Variants in SLF2 observed in about 807,000 individuals in gnomAD.
SLF2 encodes the protein SMC5/6 complex localization factor 2, also known as SMC5-SMC6 complex localization factor protein 2.
Under a neutral mutation model 124.3 loss-of-function variants are expected in SLF2, and 68 were observed. The observed-to-expected ratio is 0.55, with a 90% CI of 0.45 to 0.67. The LOEUF (loss-of-function observed/expected upper bound fraction) is 0.67. Among genes scored for constraint, SLF2 ranks in the 30% least tolerant of loss-of-function variants. SLF2 has a pLI of 0.00. For synonymous variants in SLF2, 480 were observed against 478.8 expected (o/e 1.00, Z -0.03); for missense variants, 1,246 against 1,373.7 (o/e 0.91, Z 1.47).
At position 100,957,330 on chromosome 10, in the gene SLF2, A is replaced by ATTTTTTTT. The variant is rs71013477; in HGVS notation, c.3417+823_3417+830dup. Among the ~76,000 whole-genome samples the ATTTTTTTT allele has an allele frequency of 5.3e-4, 49 of 91,836 alleles. 6 individuals carry two copies. The highest frequency in any genetic ancestry group is 7.4e-4 in the Non-Finnish European group (38 of 51,698). The allele number at this position is 91,836 out of a possible 152,430, so 60.2% of individuals were successfully genotyped here. On this transcript the variant is annotated intron_variant, in intron 18 of 19. Coordinates refer to ENST00000238961, the MANE Select transcript of SLF2 (RefSeq NM_018121.4). ...AATATGTTAAAGGAAGGAGTCTTCA[A>ATTTTTTTT]TTTTTTTTTTTTTTTTTTTTTTTTT...
In SLF2 at chr10:100,929,368, C is replaced by T; in HGVS notation, c.2094C>T (p.Gly698=). ...QLQEDIRQGR[G]IKSPIRIGEE... ...AAGAAGACATAAGGCAAGGCCGAGG[C>T]ATTAAATCCCCAATCAGAATTGGAG... Residue 698 remains glycine, a synonymous_variant, in exon 7 of 20, where the codon GGC becomes GGT. Transcript: ENST00000238961. The T allele has an allele frequency of 6.2e-7, 1 of 1,613,144 alleles. No individual in the cohort carries two copies. The highest frequency in any genetic ancestry group is 8.5e-7 in the Non-Finnish European group (1 of 1,179,318).
chr10:100,958,406 A>G (rs1223011666), intron 18 of SLF2, among the ~76,000 whole-genome samples: 8 of 152,256 alleles, frequency 5.3e-5, no homozygotes, highest in Non-Finnish European at 1.0e-4. Context: ...TAGTTTCAGA[A>G]GCACATTCTT....
At position 100,917,111 on chromosome 10, in the gene SLF2, T is replaced by C; in HGVS notation, c.726T>C (p.Ser242=). ...LGAKFQLSLA[S]YCRERELKRL... ...CTAAATTCCAGTTGTCACTAGCTTC[T>C]TACTGCAGAGAACGAGAACTAAAGA... is the stretch of plus-strand genomic sequence containing the variant. The change falls in exon 3 of 20, where the codon TCT becomes TCC. Residue 242 remains serine (S), a synonymous_variant. Coordinates refer to ENST00000238961, the MANE Select transcript of SLF2 (RefSeq NM_018121.4). The C allele has an allele frequency of 6.2e-7, 1 of 1,614,140 alleles. No individual in the cohort carries two copies. Among genetic ancestry groups the C allele is most frequent in the Non-Finnish European group, 8.5e-7 (1 of 1,180,032 alleles).
intron 4 of SLF2, among the ~76,000 whole-genome samples, chr10:100,921,083 A>G (rs911382082): frequency 2.6e-5 from 4 of 152,266 alleles, no homozygotes; most frequent in Admixed American, 6.5e-5. Flanking sequence ...GGATTTCAGA[A>G]GTAATGTTAG....
At position 100,929,361 on chromosome 10, in the gene SLF2, G is replaced by T; in HGVS notation, c.2087G>T (p.Gly696Val). The change falls in exon 7 of 20, where the codon GGC becomes GTC. Residue 696 changes from glycine to valine, a missense_variant. Physicochemically the swap from Gly to Val is moderately radical, Grantham distance 109. This residue lies in a region of SLF2 where 535 missense variants were observed against 632.8 expected (regional missense o/e 0.85). Transcript: ENST00000238961. ...CAACTACAAGAAGACATAAGGCAAG[G>T]CCGAGGCATTAAATCCCCAATCAGA... is the stretch of plus-strand genomic sequence containing the variant. Reference protein sequence around the residue: ...QKQLQEDIRQGRGIKSPIRIG... With the variant: ...QKQLQEDIRQVRGIKSPIRIG... 6.2e-7 allele frequency: 1 copy of T among 1,613,234 alleles called. No homozygotes were observed. Among genetic ancestry groups the T allele is most frequent in the Non-Finnish European group, 8.5e-7 (1 of 1,179,396 alleles).
At chr10:100,920,146 A>G (rs1448883990) in intron 4 of SLF2, among the ~76,000 whole-genome samples, 1 of 152,266 alleles carries the variant, frequency 6.6e-6, no homozygotes, top group Non-Finnish European at 1.5e-5. Flanking sequence ...TTTCTCAGCC[A>G]GGAGATTGCT....
chr10:100,961,441 T>G (rs937938579), intron 19 of SLF2, among the ~76,000 whole-genome samples: 1 of 152,230 alleles, frequency 6.6e-6, no homozygotes, highest in Non-Finnish European at 1.5e-5. Context: ...GAATGTTAAG[T>G]AGATAAAGCA....
intron 4 of SLF2, among the ~76,000 whole-genome samples, chr10:100,920,036 C>T (rs926695359): frequency 1.3e-5 from 2 of 152,168 alleles, no homozygotes; most frequent in African/African-American, 4.8e-5. Flanking sequence ...AGGAATAAAT[C>T]TAAAGTTTTG....
At chr10:100,931,660 C>T (rs1849738385) in intron 9 of SLF2, among the ~76,000 whole-genome samples, 2 of 152,088 alleles carry the variant, frequency 1.3e-5, no homozygotes, top group African/African-American at 2.4e-5. Context: ...CTAGATACTT[C>T]GGACCTTCAT....
rs537223341 is a variant in SLF2 at position 100,940,820 on chromosome 10, C to CTCCT, written c.2654+2112_2654+2115dup. 4.5e-3 allele frequency among the ~76,000 whole-genome samples: 453 copies of CTCCT among 101,130 alleles called. 1 individual carries two copies. Among genetic ancestry groups the CTCCT allele is most frequent in the East Asian group, 0.011 (39 of 3,418 alleles). The allele number at this position is 101,130 out of a possible 152,430, so 66.3% of individuals were successfully genotyped here. ...GCCCCTCCCCCTGCCCCTGCCCCTT[C>CTCCT]TCCTTCCTTCCTTCCTTCCTTCCTT... On this transcript the variant is annotated intron_variant, in intron 11 of 19. Coordinates refer to ENST00000238961, the MANE Select transcript of SLF2 (RefSeq NM_018121.4).
intron 4 of SLF2, among the ~76,000 whole-genome samples, chr10:100,922,866 C>T (rs113367292): frequency 0.048 from 7,312 of 151,638 alleles, 253 homozygotes; most frequent in Middle Eastern, 0.13. Context: ...ACCACCACCT[C>T]CCAGGTTCAA....
At position 100,918,591 on chromosome 10, in the gene SLF2, A is replaced by G. The variant is rs143955433; in HGVS notation, c.973+150A>G. On this transcript the variant is annotated intron_variant, in intron 4 of 19. Transcript: ENST00000238961. The stretch of plus-strand genomic sequence containing the variant: ...ATTAAGAGTTTGGTAAGATCATATT[A>G]AAAAAGACTAGTCCCTGAATCTAGT... The G allele has an allele frequency of 1.2e-3, 693 of 564,778 alleles. 7 individuals carry two copies. The highest frequency in any genetic ancestry group is 0.012 in the African/African-American group (596 of 51,430). 35.0% of individuals were successfully genotyped at this position (564,778 alleles called of 1,614,324 possible). A position where few individuals can be genotyped will look rare whatever the true frequency, so the allele number is the denominator to read the frequency against.
At chr10:100,954,503 T>A (rs1036488705) in intron 17 of SLF2, among the ~76,000 whole-genome samples, 1 of 152,236 alleles carries the variant, frequency 6.6e-6, no homozygotes, top group Non-Finnish European at 1.5e-5. Context: ...TTATCACATT[T>A]TCATCCCAGA....
chr10:100,933,898 C>T (rs1250931261), intron 9 of SLF2, among the ~76,000 whole-genome samples: 4 of 152,176 alleles, frequency 2.6e-5, no homozygotes, highest in Non-Finnish European at 4.4e-5. Flanking sequence ...AGGCTGGCCT[C>T]GAACTCCTGG....
rs1681139968 is a variant in SLF2 at position 100,960,423 on chromosome 10, A to T, written c.3486+927A>T. On this transcript the variant is annotated intron_variant, in intron 19 of 19. Coordinates refer to ENST00000238961, the MANE Select transcript of SLF2 (RefSeq NM_018121.4). ...AGGTTTCTAATTTCTCCATATTCTC[A>T]CCAACACTTGTTTTTACTAAAGCCA... Among the ~76,000 whole-genome samples the T allele has an allele frequency of 3.3e-5, 5 of 152,180 alleles. No homozygotes were observed. The South Asian group carries it at 1.0e-3, about 31-fold the overall frequency.
rs562334881 is a variant in SLF2 at position 100,924,825 on chromosome 10, A to G, written c.1824A>G (p.Leu608=). ...RGDFDSDEES[L]GYNLDSDEEE... is the part of the protein sequence containing the mutation. ...ATTTTGATAGTGATGAAGAAAGTTT[A>G]GGTTACAACCTAGACAGTGATGAGG... Residue 608 remains leucine (L), a synonymous_variant, in exon 5 of 20, where the codon TTA becomes TTG. Transcript: ENST00000238961. 4.3e-6 allele frequency: 7 copies of G among 1,614,222 alleles called. No homozygotes were observed. The South Asian group carries it at 7.7e-5, about 18-fold the overall frequency.
chr10:100,922,020 A>G (rs1366408217), intron 4 of SLF2, among the ~76,000 whole-genome samples: 1 of 152,226 alleles, frequency 6.6e-6, no homozygotes, highest in Non-Finnish European at 1.5e-5. Context: ...TTTTCAGATT[A>G]TATATTGATC....
At position 100,945,290 on chromosome 10, in the gene SLF2, C is replaced by A. The variant is rs112019663; in HGVS notation, c.2758-40C>A. Reference sequence around the variant, plus strand: ...ATTAAAACTCTAAAAGTAAAATATACCTCCTAAAATATTTTTGTCTGTGCA... The same window carrying A: ...ATTAAAACTCTAAAAGTAAAATATAACTCCTAAAATATTTTTGTCTGTGCA... On this transcript the variant is annotated intron_variant, in intron 12 of 19. Coordinates refer to ENST00000238961, the MANE Select transcript of SLF2 (RefSeq NM_018121.4). 600 of 1,450,376 alleles carry A rather than the reference C, an allele frequency of 4.1e-4. 1 individual carries two copies. In the African/African-American group the frequency reaches 8.9e-3, roughly 22 times the overall value. 89.8% of individuals were successfully genotyped at this position (1,450,376 alleles called of 1,614,324 possible).
chr10:100,923,868 A>T, intron 4 of SLF2, 107 bp from the exon 5 acceptor site: 1 of 871,868 alleles, frequency 1.1e-6, no homozygotes, highest in Non-Finnish European at 1.6e-6. Context: ...TCTCAGCCTT[A>T]ATACTTAGAA....
Sources: allele counts gnomAD v4.1 joint callset (sites outside exome capture counted in the v4.1 genomes callset), GRCh38; gene constraint gnomAD v4.1.1; regional missense constraint gnomAD v4.1.1; transcripts MANE v1.5; gene names NCBI Gene and HGNC (gene_info 2026-07-23, HGNC 2026-07-21).